BLTP3A: variants seen among roughly 807,000 people sequenced by gnomAD.
The protein encoded by BLTP3A is ICBP90 binding protein 1.
chr6:34,866,661 A>T, the BLTP3A span, among the ~76,000 whole-genome samples: 1 of 152,214 alleles, frequency 6.6e-6, no homozygotes, highest in Non-Finnish European at 1.5e-5. Flanking sequence ...TTGTTGTACA[A>T]TCATTACTAC....
At chr6:34,792,716 C>G in the BLTP3A span, among the ~76,000 whole-genome samples, 983 of 152,354 alleles carry the variant, frequency 6.5e-3, 11 homozygotes, top group African/African-American at 0.023. Context: ...TCTGCTTTCT[C>G]TGGCCTTCGG....
chr6:34,841,553 A>G, the BLTP3A span, among the ~76,000 whole-genome samples: 1 of 152,236 alleles, frequency 6.6e-6, no homozygotes, highest in South Asian at 2.1e-4. Context: ...AGTATAGTCT[A>G]TAAGCCATAG....
chr6:34,814,039 CAG>C, the BLTP3A span, among the ~76,000 whole-genome samples: 2 of 136,814 alleles, frequency 1.5e-5, no homozygotes, highest in Non-Finnish European at 3.0e-5. Flanking sequence ...TTTTTTGAGA[CAG>C]AGTCTCGCTA....
the BLTP3A span, among the ~76,000 whole-genome samples, chr6:34,847,500 C>T: frequency 2.0e-5 from 3 of 151,912 alleles, no homozygotes; most frequent in Non-Finnish European, 2.9e-5. Flanking sequence ...ATTATCTATT[C>T]GGGTTTTGGA....
At chr6:34,802,122 T>C in the BLTP3A span, among the ~76,000 whole-genome samples, 1,720 of 152,288 alleles carry the variant, frequency 0.011, 12 homozygotes, top group Non-Finnish European at 0.016. Flanking sequence ...TTGTCACCGT[T>C]TTGGAAAATG....
At chr6:34,828,777 C>G in the BLTP3A span, among the ~76,000 whole-genome samples, 1 of 151,808 alleles carries the variant, frequency 6.6e-6, no homozygotes, top group Admixed American at 6.6e-5. Context: ...CCTGTAATCC[C>G]AGCACTTTAA....
At chr6:34,867,351 C>G in the BLTP3A span, 9 of 1,614,064 alleles carry the variant, frequency 5.6e-6, no homozygotes, top group Non-Finnish European at 7.6e-6. Flanking sequence ...TCAGTTTCAC[C>G]CAGTGGAGAA....
At chr6:34,856,699 A>G in the BLTP3A span, 3 of 1,500,114 alleles carry the variant, frequency 2.0e-6, no homozygotes, top group East Asian at 2.3e-5. Flanking sequence ...TACATATAAC[A>G]TTAATGATCT....
At chr6:34,858,933 G>T in the BLTP3A span, 1 of 1,614,138 alleles carries the variant, frequency 6.2e-7, no homozygotes, top group South Asian at 1.1e-5. Context: ...CAGAGTCAAT[G>T]ACTGGGTCTC....
chr6:34,858,824 C>G, the BLTP3A span: 1 of 1,614,100 alleles, frequency 6.2e-7, no homozygotes. Flanking sequence ...GTACATTCCC[C>G]GGCCCATGTC....
chr6:34,819,325 C>T, the BLTP3A span, among the ~76,000 whole-genome samples: 1 of 127,538 alleles, frequency 7.8e-6, no homozygotes, highest in Non-Finnish European at 1.6e-5. Context: ...CCACCACAGT[C>T]CCCAGAGTGT....
chr6:34,817,769 G>C, the BLTP3A span, among the ~76,000 whole-genome samples: 6 of 152,044 alleles, frequency 3.9e-5, no homozygotes, highest in African/African-American at 1.4e-4. Flanking sequence ...GCTGTCCTCT[G>C]TAACCACAAT....
the BLTP3A span, chr6:34,871,442 A>C: frequency 1.3e-6 from 1 of 797,638 alleles, no homozygotes; most frequent in East Asian, 2.7e-5. Context: ...AGATGGGAGA[A>C]TCTGCCATGC....
chr6:34,838,986 C>T, the BLTP3A span, among the ~76,000 whole-genome samples: 1 of 152,232 alleles, frequency 6.6e-6, no homozygotes, highest in Non-Finnish European at 1.5e-5. Context: ...CATGGTGGCT[C>T]ATGCCTATAA....
the BLTP3A span, among the ~76,000 whole-genome samples, chr6:34,809,087 T>C: frequency 6.6e-6 from 1 of 152,116 alleles, no homozygotes. Context: ...GACAAAGATG[T>C]TATAAGGAAA....
the BLTP3A span, among the ~76,000 whole-genome samples, chr6:34,855,291 C>G: frequency 6.6e-6 from 1 of 152,198 alleles, no homozygotes; most frequent in Non-Finnish European, 1.5e-5. Flanking sequence ...ACAGTCAAGG[C>G]TATAGAGTGT....
chr6:34,798,594 C>CTT, the BLTP3A span, among the ~76,000 whole-genome samples: 391 of 94,488 alleles, frequency 4.1e-3, 5 homozygotes, highest in African/African-American at 0.016. Flanking sequence ...TTCTTTCTTT[C>CTT]TTTTTTTTTT....
At chr6:34,875,854 AAGT>A in the BLTP3A span, 3 of 152,704 alleles carry the variant, frequency 2.0e-5, no homozygotes, top group African/African-American at 4.8e-5. Context: ...TGCAAGGAAA[AAGT>A]AGCAGTGTCA....
At chr6:34,841,326 C>T in the BLTP3A span, among the ~76,000 whole-genome samples, 1 of 152,146 alleles carries the variant, frequency 6.6e-6, no homozygotes, top group Non-Finnish European at 1.5e-5. Flanking sequence ...ACTTCAGCCT[C>T]CCAAAGTGTT....
Sources: gnomAD v4.1 joint callset for allele counts (sites outside exome capture counted in the v4.1 genomes callset) on GRCh38, gnomAD v4.1.1 for gene constraint, MANE v1.5 for transcripts, NCBI Gene and HGNC (gene_info 2026-07-23, HGNC 2026-07-21) for gene names.